MAML3: variants seen among roughly 807,000 people sequenced by gnomAD.
MAML3 encodes the protein mastermind like transcriptional coactivator 3.
Under a neutral mutation model 101.9 loss-of-function variants are expected in MAML3, and 27 were observed. That is an observed-to-expected ratio of 0.27 (90% CI 0.20 to 0.37). MAML3 has a LOEUF of 0.37. Among genes scored for constraint, MAML3 ranks in the 10% least tolerant of loss-of-function variants. The pLI is 1.00. For synonymous variants in MAML3, 501 were observed against 555.9 expected (o/e 0.90, Z 1.39); for missense variants, 1,316 against 1,444.9 (o/e 0.91, Z 1.45).
At chr4:140,106,546 TTTC>T (rs1728355607) in intron 1 of MAML3, among the ~76,000 whole-genome samples, 1 of 152,244 alleles carries the variant, frequency 6.6e-6, no homozygotes, top group African/African-American at 2.4e-5. Context: ...TTAACTCTGC[TTTC>T]TTATTTAAAA....
chr4:139,906,270 C>G (rs1027726760), intron 1 of MAML3, among the ~76,000 whole-genome samples: 2 of 152,098 alleles, frequency 1.3e-5, no homozygotes, highest in African/African-American at 4.8e-5. Context: ...TATATATTTT[C>G]AAAAGTGTTT....
chr4:139,908,031 T>A (rs72931688), intron 1 of MAML3, among the ~76,000 whole-genome samples: 1 of 152,164 alleles, frequency 6.6e-6, no homozygotes, highest in African/African-American at 2.4e-5. Context: ...TGAGGGGCTC[T>A]GGGACCTAGA....
intron 2 of MAML3, among the ~76,000 whole-genome samples, chr4:139,743,862 GA>G (rs1216660318): frequency 4.6e-5 from 7 of 152,196 alleles, no homozygotes; most frequent in Admixed American, 4.6e-4. Flanking sequence ...TTGAAGGAAA[GA>G]TGGGGTCTCT....
chr4:140,078,454 A>C (rs1277787609), intron 1 of MAML3, among the ~76,000 whole-genome samples: 2 of 152,118 alleles, frequency 1.3e-5, no homozygotes, highest in Admixed American at 6.5e-5. Context: ...AGGGCTGTTA[A>C]TGTGACACCA....
chr4:139,886,133 G>A (rs1319485985), intron 2 of MAML3, among the ~76,000 whole-genome samples: 1 of 151,814 alleles, frequency 6.6e-6, no homozygotes, highest in East Asian at 1.9e-4. Context: ...AAGGGATTAG[G>A]AGACAGAATG....
chr4:139,924,755 A>G (rs1189574741), intron 1 of MAML3, among the ~76,000 whole-genome samples: 2 of 152,162 alleles, frequency 1.3e-5, no homozygotes, highest in Non-Finnish European at 2.9e-5. Flanking sequence ...CACAGATGTA[A>G]AAATCTTTGT....
intron 1 of MAML3, among the ~76,000 whole-genome samples, chr4:139,899,927 G>A (rs374193659): frequency 4.6e-5 from 7 of 152,240 alleles, no homozygotes; most frequent in South Asian, 2.1e-4. Flanking sequence ...GGTGTCAGCC[G>A]TAAGCAGTTA....
intron 1 of MAML3, among the ~76,000 whole-genome samples, chr4:140,150,341 TTC>T (rs1729137480): frequency 6.6e-6 from 1 of 152,188 alleles, no homozygotes; most frequent in South Asian, 2.1e-4. Context: ...CTGGGCTTGC[TTC>T]CACCTGCGAG....
intron 1 of MAML3, among the ~76,000 whole-genome samples, chr4:139,992,417 CGTT>C (rs1734696890): frequency 6.6e-6 from 1 of 152,154 alleles, no homozygotes; most frequent in Non-Finnish European, 1.5e-5. Flanking sequence ...AGTTTAAAGA[CGTT>C]GTCACTTTTT....
chr4:139,927,032 C>T (rs1199714580), intron 1 of MAML3, among the ~76,000 whole-genome samples: 1 of 151,720 alleles, frequency 6.6e-6, no homozygotes, highest in Non-Finnish European at 1.5e-5. Flanking sequence ...TGTAGAATGT[C>T]CTTCAGTTTG....
rs756107569 is a variant in MAML3, at chr4:139,890,173, T to C, written c.1263A>G (p.Pro421=). The change falls in exon 2 of 5, where the codon CCA becomes CCG. Residue 421 remains proline (P), a synonymous_variant. Coordinates refer to ENST00000509479, the MANE Select transcript of MAML3 (RefSeq NM_018717.5). This position sits in a 1 kb window ranked among gnomAD's most constrained non-coding sequence, Gnocchi z 4.1. ...ANCAVQSPQT[P]NQAHTPGQAP... is the part of the protein sequence containing the mutation. The stretch of plus-strand genomic sequence containing the variant: ...CTTGGCCTGGAGTGTGGGCTTGGTT[T>C]GGAGTTTGAGGGGACTGGACAGCAC... 77 of 1,613,304 alleles carry C rather than the reference T, an allele frequency of 4.8e-5. 1 individual carries two copies. The Admixed American group carries it at 1.3e-3, about 27-fold the overall frequency.
chr4:139,758,089 AG>A (rs1729688513), intron 2 of MAML3, among the ~76,000 whole-genome samples: 2 of 152,268 alleles, frequency 1.3e-5, no homozygotes, highest in African/African-American at 4.8e-5. Flanking sequence ...CCTATCATAC[AG>A]TTAGGACCTA....
At chr4:139,966,020 T>C (rs1241711174) in intron 1 of MAML3, among the ~76,000 whole-genome samples, 1 of 152,188 alleles carries the variant, frequency 6.6e-6, no homozygotes, top group African/African-American at 2.4e-5. Flanking sequence ...ATAACTATAC[T>C]TGTGTCTTTT....
intron 2 of MAML3, among the ~76,000 whole-genome samples, chr4:139,781,423 TAA>T (rs377620801): frequency 7.0e-4 from 106 of 151,898 alleles, no homozygotes; most frequent in African/African-American, 2.4e-3. Flanking sequence ...TCATGATATT[TAA>T]AAGTTTGGTA....
At position 139,719,528 on chromosome 4, in the gene MAML3, G is replaced by A. The variant is rs765990651; in HGVS notation, c.3212C>T (p.Pro1071Leu). 2 of 1,613,918 alleles carry A rather than the reference G, an allele frequency of 1.2e-6. No homozygotes were observed. The highest frequency in any genetic ancestry group is 1.7e-6 in the Non-Finnish European group (2 of 1,179,832). ...FSQPPAQQQI[P>L]SGSFAPSSQS... The stretch of plus-strand genomic sequence containing the variant: ...GCTGCTTGGAGCAAAGCTGCCACTG[G>A]GTATCTGCTGCTGTGCTGGGGGCTG... Residue 1071 changes from proline (P) to leucine (L), a missense_variant, in exon 5 of 5, where the codon CCC becomes CTC. Coordinates refer to ENST00000509479, the MANE Select transcript of MAML3 (RefSeq NM_018717.5).
chr4:139,885,919 C>T (rs62344935), intron 2 of MAML3, among the ~76,000 whole-genome samples: 3 of 7,042 alleles, frequency 4.3e-4, no homozygotes, highest in South Asian at 5.5e-3. Context: ...GGCGACAGGG[C>T]AAGACTCCGT....
intron 1 of MAML3, among the ~76,000 whole-genome samples, chr4:140,098,539 G>A (rs6817263): frequency 0.34 from 51,044 of 152,024 alleles, 9,037 homozygotes; most frequent in East Asian, 0.47. Context: ...TATCCTTCCC[G>A]TATCATCACC....
At chr4:139,821,346 A>G (rs1730968563) in intron 2 of MAML3, among the ~76,000 whole-genome samples, 1 of 152,210 alleles carries the variant, frequency 6.6e-6, no homozygotes, top group South Asian at 2.1e-4. Flanking sequence ...TCAGATCAGC[A>G]GTGGCATTAG....
chr4:139,828,887 C>T lies in MAML3; in HGVS notation c.2079+60470G>A, dbSNP rs557243031. Among the ~76,000 whole-genome samples, 6 of 151,854 alleles carry T rather than the reference C, an allele frequency of 4.0e-5. No individual in the cohort carries two copies. In the East Asian group the frequency reaches 5.8e-4, roughly 15 times the overall value. On this transcript the variant is annotated intron_variant, in intron 2 of 4. Transcript: ENST00000509479. ...ATAGGGCTAAGAATAGGTGATTCCACGCTTGAGCCCAGGAGGTGGAGGTTG... is the reference window on the plus strand; with the variant it reads ...ATAGGGCTAAGAATAGGTGATTCCATGCTTGAGCCCAGGAGGTGGAGGTTG...
Sources: allele counts gnomAD v4.1 joint callset (sites outside exome capture counted in the v4.1 genomes callset), GRCh38; gene constraint gnomAD v4.1.1; non-coding constraint Gnocchi (gnomAD v3.1); transcripts MANE v1.5; gene names NCBI Gene and HGNC (gene_info 2026-07-23, HGNC 2026-07-21).